RSF1: variants seen among roughly 807,000 people sequenced by gnomAD.
RSF1 encodes HBV pX-associated protein 8.
In RSF1, 13 loss-of-function variants were observed where a neutral mutation model predicts 145.2. That is an observed-to-expected ratio of 0.09 (90% CI 0.06 to 0.14). RSF1 has a LOEUF of 0.14. Among genes scored for constraint, RSF1 ranks in the 10% least tolerant of loss-of-function variants. The pLI is 1.00. For synonymous variants in RSF1, 577 were observed against 592.6 expected, an observed-to-expected ratio of 0.97 and a Z score of 0.38; for missense variants, 1,517 against 1,718.2, an observed-to-expected ratio of 0.88 and a Z score of 2.07.
At chr11:77,716,606 G>A (rs1309318771) in intron 5 of RSF1, among the ~76,000 whole-genome samples, 1 of 152,128 alleles carries the variant, frequency 6.6e-6, no homozygotes, top group South Asian at 2.1e-4. Context: ...GGTTATGAGG[G>A]ACTGAAGGTG....
At chr11:77,860,854 G>C in the RSF1 span, among the ~76,000 whole-genome samples, 1 of 152,200 alleles carries the variant, frequency 6.6e-6, no homozygotes, top group East Asian at 1.9e-4. Flanking sequence ...GTTAGGTACA[G>C]CTGGGTATAA....
chr11:77,854,614 G>A, the RSF1 span, among the ~76,000 whole-genome samples: 1 of 152,232 alleles, frequency 6.6e-6, no homozygotes, highest in East Asian at 1.9e-4. Flanking sequence ...GGTTCCCAAG[G>A]CTTTGGGCAG....
chr11:77,728,205 C>A (rs202229810), intron 4 of RSF1, among the ~76,000 whole-genome samples: 1 of 152,204 alleles, frequency 6.6e-6, no homozygotes, highest in East Asian at 1.9e-4. Context: ...CTTCTGCTCT[C>A]TTAGCCTGGA....
intron 1 of RSF1, among the ~76,000 whole-genome samples, chr11:77,815,649 A>G (rs1948774390): frequency 6.6e-6 from 1 of 152,210 alleles, no homozygotes; most frequent in Non-Finnish European, 1.5e-5. Flanking sequence ...GAGAAAAAAA[A>G]CTAAGTCTTT....
chr11:77,696,509 G>T (rs1024048689), intron 7 of RSF1, among the ~76,000 whole-genome samples: 2 of 152,110 alleles, frequency 1.3e-5, no homozygotes, highest in African/African-American at 2.4e-5. Flanking sequence ...ACCATATTTG[G>T]GATCTTCAGT....
intron 7 of RSF1, 35 bp from the exon 8 acceptor site, chr11:77,693,646 A>G (rs1188125458): frequency 1.4e-6 from 2 of 1,464,546 alleles, no homozygotes; most frequent in Admixed American, 1.7e-5. Flanking sequence ...CCTAACTATG[A>G]CTAAAATTCA....
At chr11:77,691,354 A>G in intron 8 of RSF1, 116 bp from the exon 9 acceptor site, 1 of 764,326 alleles carries the variant, frequency 1.3e-6, no homozygotes, top group Non-Finnish European at 2.2e-6. Context: ...CCACATAGTA[A>G]GTGAACAATG....
intron 4 of RSF1, among the ~76,000 whole-genome samples, chr11:77,737,797 A>T (rs1961402487): frequency 1.3e-5 from 2 of 152,172 alleles, no homozygotes; most frequent in Non-Finnish European, 2.9e-5. Context: ...TAGTGAATAA[A>T]CTAAATTTCA....
the RSF1 span, among the ~76,000 whole-genome samples, chr11:77,835,140 G>A: frequency 3.9e-5 from 6 of 152,178 alleles, no homozygotes; most frequent in Non-Finnish European, 8.8e-5. Flanking sequence ...GCAATTGAGT[G>A]TGACCACATG....
chr11:77,800,535 A>G (rs1165315792), intron 1 of RSF1, among the ~76,000 whole-genome samples: 1 of 152,168 alleles, frequency 6.6e-6, no homozygotes, highest in Non-Finnish European at 1.5e-5. Flanking sequence ...AAGAAAGCCC[A>G]GTACCAGATG....
intron 9 of RSF1, among the ~76,000 whole-genome samples, chr11:77,689,038 T>C (rs1371428841): frequency 1.3e-5 from 2 of 152,310 alleles, no homozygotes; most frequent in East Asian, 1.9e-4. Flanking sequence ...AGTCAGGGGA[T>C]ATAAGGTAAA....
intron 5 of RSF1, among the ~76,000 whole-genome samples, chr11:77,718,943 A>C (rs1960880334): frequency 1.3e-5 from 2 of 152,214 alleles, no homozygotes; most frequent in Admixed American, 6.5e-5. Flanking sequence ...TCAGTAAGTT[A>C]ATCTACCTAC....
At chr11:77,805,237 G>T (rs1202087473) in intron 1 of RSF1, among the ~76,000 whole-genome samples, 1 of 152,108 alleles carries the variant, frequency 6.6e-6, no homozygotes, top group South Asian at 2.1e-4. Context: ...TGGAGGCTGA[G>T]GTGGGTGGAT....
At chr11:77,670,553 G>A (rs1044659520) in intron 15 of RSF1, among the ~76,000 whole-genome samples, 4 of 151,946 alleles carry the variant, frequency 2.6e-5, no homozygotes, top group Non-Finnish European at 5.9e-5. Context: ...TAAAATAAGA[G>A]TTTCATAAGA....
chr11:77,732,671 C>T lies in RSF1; in HGVS notation c.579-6972G>A, dbSNP rs11237277. 9.4e-4 allele frequency among the ~76,000 whole-genome samples: 143 copies of T among 152,236 alleles called. 4 individuals are homozygous for T. In the East Asian group the frequency reaches 0.024, roughly 26 times the overall value. ...CTGATGGTTTTAAAAACAGGAGTTC[C>T]CTGCACAAGCTCCTTCTTTGCCTGC... On this transcript the variant is annotated intron_variant, in intron 4 of 15. Transcript: ENST00000308488.
intron 1 of RSF1, among the ~76,000 whole-genome samples, chr11:77,785,713 A>G (rs1948447477): frequency 6.6e-6 from 1 of 151,834 alleles, no homozygotes; most frequent in Non-Finnish European, 1.5e-5. Context: ...GCACTCTGGG[A>G]GGCCGAGGCA....
In RSF1 at chr11:77,820,699, C is replaced by CCGCCGCCGT; in HGVS notation, c.7_15dup (p.Thr3_Ala5dup). 5.8e-6 allele frequency: 9 copies of CCGCCGCCGT among 1,549,586 alleles called. No individual in the cohort carries two copies. Among genetic ancestry groups the CCGCCGCCGT allele is most frequent in the Non-Finnish European group, 7.8e-6 (9 of 1,147,762 alleles). On this transcript the variant is annotated inframe_insertion, in exon 1 of 16. Coordinates refer to ENST00000308488, the MANE Select transcript of RSF1 (RefSeq NM_016578.4). ...GGAGGAGCCATCACCGCCGCCGCTG[C>CCGCCGCCGT]CGCCGCCGTCGCCATTTTGAACTGG...
chr11:77,845,984 T>G, the RSF1 span, among the ~76,000 whole-genome samples: 3 of 152,078 alleles, frequency 2.0e-5, no homozygotes, highest in Non-Finnish European at 4.4e-5. Flanking sequence ...CTTAATGTCT[T>G]TGTTGTTTTG....
rs1351360671 is a variant in RSF1 at position 77,748,229 on chromosome 11, C to CT, written c.280-1102dup. Among the ~76,000 whole-genome samples, 584 of 121,272 alleles carry CT rather than the reference C, an allele frequency of 4.8e-3. 2 individuals are homozygous for CT. The highest frequency in any genetic ancestry group is 6.3e-3 in the Non-Finnish European group (355 of 56,290). 79.6% of individuals were successfully genotyped at this position (121,272 alleles called of 152,430 possible). On this transcript the variant is annotated intron_variant, in intron 2 of 15. Coordinates refer to ENST00000308488, the MANE Select transcript of RSF1 (RefSeq NM_016578.4). ...ATAATAGAGGATCTTTTTTTTTTTT[C>CT]TTTTTTTTTTTTTGGAGATAGGTCT...
Sources: allele counts gnomAD v4.1 joint callset (sites outside exome capture counted in the v4.1 genomes callset), GRCh38; gene constraint gnomAD v4.1.1; transcripts MANE v1.5; gene names NCBI Gene and HGNC (gene_info 2026-07-23, HGNC 2026-07-21).